The following TRAPPC9 variants were observed in gnomAD, a reference collection of about 807,000 sequenced individuals.
TRAPPC9 encodes the protein trafficking protein particle complex subunit 9, also known as IKK2 binding protein.
TRAPPC9 carries 83 observed loss-of-function variants against 124.0 expected under a neutral mutation model. That is an observed-to-expected ratio of 0.67 (90% confidence interval 0.56 to 0.80). The LOEUF is 0.80. Ranked by LOEUF, TRAPPC9 falls within the 30% of genes least tolerant of loss-of-function variation. The pLI is 0.00. For missense variants in TRAPPC9, 1,302 were observed against 1,508.3 expected (o/e 0.86, Z 2.27); for synonymous variants, 638 against 617.5 (o/e 1.03, Z -0.49).
intron 7 of TRAPPC9, among the ~76,000 whole-genome samples, chr8:140,391,504 G>A (rs1268877869): frequency 2.6e-5 from 4 of 151,894 alleles, no homozygotes; most frequent in Admixed American, 2.6e-4. Flanking sequence ...CCTAAGGTCG[G>A]GAGTTCGAGA....
At chr8:139,988,428 T>C (rs1383827376) in intron 19 of TRAPPC9, among the ~76,000 whole-genome samples, 2 of 152,072 alleles carry the variant, frequency 1.3e-5, no homozygotes, top group Non-Finnish European at 2.9e-5. Context: ...TACCACTTTC[T>C]CAAGAATTTA....
intron 6 of TRAPPC9, among the ~76,000 whole-genome samples, chr8:140,403,004 C>T (rs1423155142): frequency 6.6e-6 from 1 of 152,108 alleles, no homozygotes; most frequent in Non-Finnish European, 1.5e-5. Flanking sequence ...ACGGTGAATA[C>T]AGATATATGT....
chr8:140,284,203 A>G (rs2065417911), intron 13 of TRAPPC9, among the ~76,000 whole-genome samples, 182 bp from the exon 14 acceptor site: 1 of 152,202 alleles, frequency 6.6e-6, no homozygotes, highest in Non-Finnish European at 1.5e-5. Context: ...CTGTCCTCGT[A>G]CGTGATGGGG....
chr8:139,857,873 G>A (rs1827897955), intron 21 of TRAPPC9, among the ~76,000 whole-genome samples: 1 of 152,254 alleles, frequency 6.6e-6, no homozygotes, highest in Non-Finnish European at 1.5e-5. Context: ...TTATTGACAG[G>A]TCACCGAAGA....
intron 10 of TRAPPC9, among the ~76,000 whole-genome samples, chr8:140,305,663 C>T (rs998007690): frequency 2.0e-5 from 3 of 152,138 alleles, no homozygotes; most frequent in African/African-American, 7.2e-5. Context: ...AGTGATGGAA[C>T]TAATTCATTT....
At chr8:140,074,460 T>A (rs1416693167) in intron 17 of TRAPPC9, among the ~76,000 whole-genome samples, 1 of 152,224 alleles carries the variant, frequency 6.6e-6, no homozygotes, top group Non-Finnish European at 1.5e-5. Context: ...GGCCACTTCA[T>A]CAACATCTGC....
chr8:140,218,711 G>A (rs1463068131), intron 17 of TRAPPC9, among the ~76,000 whole-genome samples: 2 of 152,120 alleles, frequency 1.3e-5, no homozygotes, highest in Admixed American at 6.6e-5. Flanking sequence ...TGTAATCCCA[G>A]CACTTTGGGA....
At chr8:139,813,068 A>G (rs1312537439) in intron 21 of TRAPPC9, among the ~76,000 whole-genome samples, 1 of 152,152 alleles carries the variant, frequency 6.6e-6, no homozygotes, top group African/African-American at 2.4e-5. Flanking sequence ...GAGCTCTACC[A>G]GGGAAGGGGT....
chr8:140,252,829 T>G lies in TRAPPC9; in HGVS notation c.2379A>C (p.Lys793Asn). The G allele has an allele frequency of 6.2e-7, 1 of 1,614,102 alleles. No individual in the cohort carries two copies. The highest frequency in any genetic ancestry group is 1.1e-5 in the South Asian group (1 of 91,072). Reference protein sequence around the residue: ...GKVATFTINIKVKLDFSCQEN... With the variant: ...GKVATFTININVKLDFSCQEN... ...CCTGGCAGGAGAAATCCAGCTTCAC[T>G]TTGATGTTGATTGTGAACGTGGCCA... The change falls in exon 16 of 23, where the codon AAA (lysine) becomes AAC (asparagine). Residue 793 changes from lysine (K) to asparagine (N), a missense_variant. By Grantham distance (94) the Lys-to-Asn change is moderately conservative. This residue lies in a region of TRAPPC9 where 640 missense variants were observed against 679.3 expected (regional missense o/e 0.94). Coordinates refer to ENST00000438773, the MANE Select transcript of TRAPPC9 (RefSeq NM_001160372.4). This position sits in a 1 kb window ranked among gnomAD's most constrained non-coding sequence, Gnocchi z 4.2.
intron 11 of TRAPPC9, among the ~76,000 whole-genome samples, chr8:140,298,025 T>TAA (rs2065862092): frequency 6.6e-6 from 1 of 152,154 alleles, no homozygotes; most frequent in Non-Finnish European, 1.5e-5. Flanking sequence ...CTTCTAAAAG[T>TAA]CGTTTCTCTA....
rs559297990 is a variant in TRAPPC9, at chr8:140,369,744, G to T, written c.1351+1220C>A. Among the ~76,000 whole-genome samples, 6 of 152,280 alleles carry T rather than the reference G, an allele frequency of 3.9e-5. No homozygotes were observed. The South Asian group carries it at 1.2e-3, about 32-fold the overall frequency. ...AAGTGGGCGGATCACCTGAGGTCAGGAGTTTGAGACCAGCCTGGCCAACAT... is the reference window on the plus strand; with the variant it reads ...AAGTGGGCGGATCACCTGAGGTCAGTAGTTTGAGACCAGCCTGGCCAACAT... On this transcript the variant is annotated intron_variant, in intron 8 of 22. Transcript: ENST00000438773.
intron 18 of TRAPPC9, among the ~76,000 whole-genome samples, chr8:140,020,125 A>G (rs1839744015): frequency 1.3e-5 from 2 of 151,940 alleles, no homozygotes; most frequent in East Asian, 3.9e-4. Flanking sequence ...GTGTTTCCAC[A>G]TTTTTTTCTG....
chr8:139,854,167 G>A (rs1342980710), intron 21 of TRAPPC9, among the ~76,000 whole-genome samples: 1 of 152,116 alleles, frequency 6.6e-6, no homozygotes, highest in Admixed American at 6.5e-5. Context: ...AGGGATTTGC[G>A]AGGCTTTCTG....
At chr8:140,002,844 C>CAAAAAAAAA (rs56895763) in intron 18 of TRAPPC9, among the ~76,000 whole-genome samples, 9 of 68,806 alleles carry the variant, frequency 1.3e-4, no homozygotes, top group Admixed American at 2.1e-4. Flanking sequence ...TTCCACTTAT[C>CAAAAAAAAA]AAAAAAAAAA....
chr8:139,858,521 GC>G (rs1827937884), intron 21 of TRAPPC9, among the ~76,000 whole-genome samples: 1 of 152,170 alleles, frequency 6.6e-6, no homozygotes, highest in Non-Finnish European at 1.5e-5. Flanking sequence ...AGTTGACTTT[GC>G]AACTGACTCA....
chr8:140,330,435 G>A (rs2066867046), intron 9 of TRAPPC9, among the ~76,000 whole-genome samples: 2 of 152,120 alleles, frequency 1.3e-5, no homozygotes. Context: ...AATTTGCAGT[G>A]AGCCACATTA....
At chr8:139,756,920 T>G (rs1326238313) in intron 21 of TRAPPC9, among the ~76,000 whole-genome samples, 5 of 124,112 alleles carry the variant, frequency 4.0e-5, no homozygotes, top group South Asian at 2.8e-4. Context: ...GGACAGCAGG[T>G]CGCAGGAGGA....
chr8:139,750,664 C>G (rs1366917500), intron 21 of TRAPPC9, among the ~76,000 whole-genome samples: 1 of 152,206 alleles, frequency 6.6e-6, no homozygotes, highest in Non-Finnish European at 1.5e-5. Context: ...TCTCCAAAGA[C>G]CATGCGGCTT....
intron 21 of TRAPPC9, among the ~76,000 whole-genome samples, chr8:139,877,052 G>A (rs536928518): frequency 6.6e-5 from 10 of 152,336 alleles, no homozygotes; most frequent in South Asian, 2.1e-4. Context: ...TGGAGCTCAC[G>A]GTGGGATTTG....
Sources: allele counts gnomAD v4.1 joint callset (sites outside exome capture counted in the v4.1 genomes callset), GRCh38; gene constraint gnomAD v4.1.1; regional missense constraint gnomAD v4.1.1; non-coding constraint Gnocchi (gnomAD v3.1); transcripts MANE v1.5; gene names NCBI Gene and HGNC (gene_info 2026-07-23, HGNC 2026-07-21).